The following HERC3 variants were observed in gnomAD, a reference collection of about 807,000 sequenced individuals.
The protein encoded by HERC3 is probable E3 ubiquitin-protein ligase HERC3.
A neutral mutation model predicts 129.9 loss-of-function variants in HERC3; 58 were observed. The observed-to-expected ratio is 0.45, with a 90% CI of 0.36 to 0.56. HERC3 has a LOEUF of 0.56. Among genes scored for constraint, HERC3 ranks in the 20% least tolerant of loss-of-function variants. The pLI, the probability that HERC3 is intolerant of heterozygous loss-of-function variation, is 0.00. For missense variants in HERC3, 835 were observed against 1,244.2 expected (o/e 0.67, Z 4.95); for synonymous variants, 430 against 451.0 (o/e 0.95, Z 0.59).
At chr4:88,542,398 G>T in the HERC3 span, among the ~76,000 whole-genome samples, 2 of 152,146 alleles carry the variant, frequency 1.3e-5, no homozygotes, top group African/African-American at 4.8e-5. Context: ...CCAGGAAGAA[G>T]TTGAATCTCT....
rs370989453 is a variant in HERC3 at position 88,678,341 on chromosome 4, G to T, written c.2196+207G>T. 3.9e-5 allele frequency among the ~76,000 whole-genome samples: 6 copies of T among 152,316 alleles called. No homozygotes were observed. In the South Asian group the frequency reaches 6.2e-4, roughly 16 times the overall value. On this transcript the variant is annotated intron_variant, in intron 19 of 25. Coordinates refer to ENST00000402738, the MANE Select transcript of HERC3 (RefSeq NM_014606.3). ...AAAAATGCCAGTGGATTATTTGAAA[G>T]ATTAGAGTGCTTTCTTTGTCTTCTG... is the stretch of plus-strand genomic sequence containing the variant.
chr4:88,547,288 T>C, the HERC3 span, among the ~76,000 whole-genome samples: 1 of 152,220 alleles, frequency 6.6e-6, no homozygotes, highest in Non-Finnish European at 1.5e-5. Flanking sequence ...AGCTAATCAC[T>C]GCATTATTGT....
intron 3 of HERC3, among the ~76,000 whole-genome samples, chr4:88,635,369 T>G (rs1373008592): frequency 6.6e-6 from 1 of 151,638 alleles, no homozygotes; most frequent in Non-Finnish European, 1.5e-5. Flanking sequence ...CAAGTATCAA[T>G]AGTTGAATCA....
intron 3 of HERC3, among the ~76,000 whole-genome samples, chr4:88,646,514 C>T (rs1349082709): frequency 1.3e-5 from 2 of 152,142 alleles, no homozygotes; most frequent in Non-Finnish European, 2.9e-5. Context: ...CTTTTATTCT[C>T]GAAAAATACC....
chr4:88,669,870 G>T lies in HERC3; in HGVS notation c.1644G>T (p.Trp548Cys). 1 of 1,612,438 alleles carries T rather than the reference G, an allele frequency of 6.2e-7. No homozygotes were observed. The highest frequency in any genetic ancestry group is 8.5e-7 in the Non-Finnish European group (1 of 1,178,936). The change falls in exon 15 of 26, where the codon TGG (tryptophan) becomes TGT (cysteine). Residue 548 changes from tryptophan (W) to cysteine (C), a missense_variant. Trp to Cys is a radical substitution (Grantham distance 215). Transcript: ENST00000402738. ...TNPSKVLDNWWSQVCPKYFMK... is the reference protein window; with the variant it reads ...TNPSKVLDNWCSQVCPKYFMK... Reference sequence around the variant, plus strand: ...TCTTTCTTTCTAAAGATAACTGGTGGTCTCAGGTATGCCCGAAATATTTCA... The same window carrying T: ...TCTTTCTTTCTAAAGATAACTGGTGTTCTCAGGTATGCCCGAAATATTTCA...
chr4:88,562,112 A>G, the HERC3 span, among the ~76,000 whole-genome samples: 1 of 152,010 alleles, frequency 6.6e-6, no homozygotes, highest in Non-Finnish European at 1.5e-5. Flanking sequence ...CTTCCCACCA[A>G]CGGTGTACAA....
chr4:88,588,805 C>G (rs774876598), upstream of HERC3, among the ~76,000 whole-genome samples: 1 of 152,208 alleles, frequency 6.6e-6, no homozygotes, highest in South Asian at 2.1e-4. Context: ...TGAATGGTAA[C>G]TAATGGAGGA....
chr4:88,680,234 A>G lies in HERC3; in HGVS notation c.2338A>G (p.Thr780Ala), dbSNP rs1157609907. Residue 780 changes from threonine to alanine, a missense_variant and splice_region_variant, in exon 20 of 26, where the codon ACG becomes GCG. By Grantham distance (58) the Thr-to-Ala change is moderately conservative. Coordinates refer to ENST00000402738, the MANE Select transcript of HERC3 (RefSeq NM_014606.3). Reference sequence around the variant, plus strand: ...TTCAAATCTCTTGTGGTTTTCAGACACGGTAAGTAAGTGGTGTCACAATTA... The same window carrying G: ...TTCAAATCTCTTGTGGTTTTCAGACGCGGTAAGTAAGTGGTGTCACAATTA... ...QDSNLLWFSDTCFVEHNWFHL... is the reference protein window; with the variant it reads ...QDSNLLWFSDACFVEHNWFHL... The G allele has an allele frequency of 2.5e-6, 4 of 1,599,040 alleles. No homozygotes were observed. Among genetic ancestry groups the G allele is most frequent in the African/African-American group, 1.3e-5 (1 of 74,198 alleles).
intron 7 of HERC3, 107 bp downstream of exon 7, chr4:88,654,240 T>C: frequency 3.1e-6 from 2 of 652,040 alleles, no homozygotes. Context: ...TATTGTGGCT[T>C]GAACTTGAAT....
intron 2 of HERC3, among the ~76,000 whole-genome samples, chr4:88,601,651 A>G (rs1186464477): frequency 6.6e-6 from 1 of 152,250 alleles, no homozygotes. Flanking sequence ...TAGGGAAGAC[A>G]CCTTTGAAGT....
chr4:88,665,996 T>C (rs1356427872), intron 12 of HERC3, among the ~76,000 whole-genome samples: 2 of 152,202 alleles, frequency 1.3e-5, no homozygotes, highest in African/African-American at 2.4e-5. Context: ...GCTATTGGCA[T>C]CCAGTGGGTA....
In HERC3 at chr4:88,706,776, T is replaced by C; in HGVS notation, c.2969T>C (p.Ile990Thr). The change falls in exon 26 of 26, where the codon ATT becomes ACT. Residue 990 changes from isoleucine to threonine, a missense_variant. Coordinates refer to ENST00000402738, the MANE Select transcript of HERC3 (RefSeq NM_014606.3). ...FLLFLTGSDR[I>T]PIYGMASLQI... ...GTGTTCCTGACAGGCAGCGATCGGA[T>C]TCCCATCTACGGCATGGCCAGTCTG... is the stretch of plus-strand genomic sequence containing the variant. 1 of 1,614,162 alleles carries C rather than the reference T, an allele frequency of 6.2e-7. No individual in the cohort carries two copies.
intron 3 of HERC3, among the ~76,000 whole-genome samples, chr4:88,623,325 C>A (rs1483492947): frequency 6.6e-6 from 1 of 152,206 alleles, no homozygotes; most frequent in Non-Finnish European, 1.5e-5. Flanking sequence ...GGAAGCTGTC[C>A]TTGGGCCTAC....
chr4:88,652,324 G>A (rs1043014174), intron 5 of HERC3, among the ~76,000 whole-genome samples: 2 of 152,218 alleles, frequency 1.3e-5, no homozygotes, highest in African/African-American at 4.8e-5. Flanking sequence ...GGGAAGATAA[G>A]CAGGGGGCAG....
intron 14 of HERC3, 135 bp downstream of exon 14, chr4:88,668,216 T>A (rs560668781): frequency 1.7e-5 from 11 of 646,810 alleles, no homozygotes; most frequent in Non-Finnish European, 2.8e-5. Context: ...AACCTTTTTT[T>A]CTTTGCTGTT....
intron 3 of HERC3, among the ~76,000 whole-genome samples, chr4:88,616,291 C>G (rs1247251559): frequency 6.6e-6 from 1 of 152,200 alleles, no homozygotes; most frequent in African/African-American, 2.4e-5. Flanking sequence ...TACATCTTCT[C>G]TCTATGCAAT....
chr4:88,702,064 G>A (rs146130332), intron 23 of HERC3, among the ~76,000 whole-genome samples: 52 of 152,194 alleles, frequency 3.4e-4, no homozygotes, highest in African/African-American at 1.2e-3. Flanking sequence ...AAAGTGCTGG[G>A]ATTATAGGCA....
chr4:88,618,125 A>T (rs1404179875), intron 3 of HERC3, among the ~76,000 whole-genome samples: 1 of 152,252 alleles, frequency 6.6e-6, no homozygotes, highest in Non-Finnish European at 1.5e-5. Flanking sequence ...TTCCCTTCAG[A>T]TGAGGGAAGA....
chr4:88,638,293 A>C (rs760204685), intron 3 of HERC3, among the ~76,000 whole-genome samples: 2 of 152,226 alleles, frequency 1.3e-5, no homozygotes, highest in Non-Finnish European at 2.9e-5. Context: ...AACAAAAAAA[A>C]GAAAATTTCA....
Sources: gnomAD v4.1 joint callset for allele counts (sites outside exome capture counted in the v4.1 genomes callset) on GRCh38, gnomAD v4.1.1 for gene constraint, MANE v1.5 for transcripts, NCBI Gene and HGNC (gene_info 2026-07-23, HGNC 2026-07-21) for gene names.